MYT1L: variants seen among roughly 807,000 people sequenced by gnomAD.
The protein encoded by MYT1L is myelin transcription factor 1-like protein.
In MYT1L, 12 loss-of-function variants were observed where a neutral mutation model predicts 126.7. The ratio of observed to expected loss-of-function variants is 0.09; its 90% CI spans 0.06 to 0.15. The LOEUF is 0.15. Ranked by LOEUF, MYT1L falls within the 10% of genes least tolerant of loss-of-function variation. MYT1L has a pLI of 1.00. For missense variants in MYT1L, 979 were observed against 1,585.2 expected (o/e 0.62, Z 6.49); for synonymous variants, 541 against 604.2 (o/e 0.90, Z 1.53).
At chr2:2,044,032 T>A (rs1021668691) in intron 4 of MYT1L, among the ~76,000 whole-genome samples, 5 of 152,192 alleles carry the variant, frequency 3.3e-5, no homozygotes, top group Non-Finnish European at 5.9e-5. Flanking sequence ...TTTCTTTCAT[T>A]TTTAATTTAA....
At chr2:1,993,195 C>T (rs997092017) in intron 5 of MYT1L, among the ~76,000 whole-genome samples, 10 of 152,160 alleles carry the variant, frequency 6.6e-5, no homozygotes, top group Admixed American at 2.0e-4. Context: ...TTGCAATTCC[C>T]CCGTCTTGGT....
intron 19 of MYT1L, among the ~76,000 whole-genome samples, chr2:1,850,315 C>T (rs921384496): frequency 2.6e-5 from 4 of 151,366 alleles, no homozygotes; most frequent in Admixed American, 6.6e-5. Context: ...GCCTCATCTG[C>T]GTCTGGACTG....
intron 3 of MYT1L, among the ~76,000 whole-genome samples, chr2:2,087,575 T>C (rs1355786601): frequency 1.3e-5 from 2 of 152,206 alleles, no homozygotes; most frequent in Non-Finnish European, 1.5e-5. Context: ...TCGGCAAGGT[T>C]GGCTTTTCAA....
chr2:2,287,046 C>A (rs146524582), intron 1 of MYT1L, among the ~76,000 whole-genome samples: 7 of 152,100 alleles, frequency 4.6e-5, no homozygotes, highest in Non-Finnish European at 8.8e-5. Context: ...CACCTGAGGT[C>A]GGGAGTTCGA....
chr2:2,184,493 A>C (rs943005066), intron 2 of MYT1L, among the ~76,000 whole-genome samples: 1 of 152,186 alleles, frequency 6.6e-6, no homozygotes, highest in Non-Finnish European at 1.5e-5. Context: ...TGATGAGTTT[A>C]ATGTGTCAAA....
chr2:2,069,640 TCAC>T (rs2074344163), intron 3 of MYT1L, among the ~76,000 whole-genome samples: 2 of 152,072 alleles, frequency 1.3e-5, no homozygotes, highest in African/African-American at 4.8e-5. Context: ...CCTTGAGGAA[TCAC>T]CACACTGTCT....
At chr2:1,924,907 G>A (rs1034210550) in intron 9 of MYT1L, among the ~76,000 whole-genome samples, 2 of 152,166 alleles carry the variant, frequency 1.3e-5, no homozygotes, top group African/African-American at 4.8e-5. Context: ...TTTAGGACTT[G>A]AAGTCAATCC....
chr2:2,170,818 TCA>T (rs981627789), intron 3 of MYT1L, among the ~76,000 whole-genome samples: 4 of 152,178 alleles, frequency 2.6e-5, no homozygotes, highest in Admixed American at 1.3e-4. Flanking sequence ...TCTGCGCCCT[TCA>T]CAGTGTGTGG....
chr2:2,158,657 G>A (rs1378943017), intron 3 of MYT1L, among the ~76,000 whole-genome samples: 1 of 148,156 alleles, frequency 6.7e-6, no homozygotes, highest in Non-Finnish European at 1.5e-5. Context: ...ACGCGTAGGT[G>A]GACACGGGTG....
intron 1 of MYT1L, chr2:2,305,993 T>C (rs1359964608): frequency 1.3e-5 from 2 of 152,190 alleles, no homozygotes; most frequent in East Asian, 3.9e-4. Flanking sequence ...TGTTCATCTG[T>C]CCCACTTAAT....
intron 3 of MYT1L, among the ~76,000 whole-genome samples, chr2:2,085,790 TG>T (rs1296958522): frequency 6.6e-6 from 1 of 152,184 alleles, no homozygotes; most frequent in East Asian, 1.9e-4. Context: ...GGCTTCCACA[TG>T]GGGTGCTGGA....
chr2:2,007,456 T>C (rs2063442962), intron 4 of MYT1L, among the ~76,000 whole-genome samples: 1 of 152,234 alleles, frequency 6.6e-6, no homozygotes, highest in Admixed American at 6.5e-5. Flanking sequence ...TGTCTGTGCC[T>C]TTCTCCAAAG....
rs1022199606 is a variant in MYT1L at position 2,224,221 on chromosome 2, T to G, written c.-420-51233A>C. ...TTATAGGGAAGAATTCTGTGACGAG[T>G]TGGCCCCTCCTTGCCCATCTGAGAG... On this transcript the variant is annotated intron_variant, in intron 2 of 24. Transcript: ENST00000647738. The surrounding 1 kb of genome is among the most constrained non-coding windows in gnomAD (Gnocchi z 4.0). Among the ~76,000 whole-genome samples, 7 of 152,092 alleles carry G rather than the reference T, an allele frequency of 4.6e-5. No homozygotes were observed. Among genetic ancestry groups the G allele is most frequent in the African/African-American group, 1.7e-4 (7 of 41,418 alleles).
At chr2:2,014,310 G>A (rs2064146619) in intron 4 of MYT1L, among the ~76,000 whole-genome samples, 1 of 151,602 alleles carries the variant, frequency 6.6e-6, no homozygotes, top group Non-Finnish European at 1.5e-5. Context: ...CGCCTTTTGT[G>A]GGCGGTCTCC....
intron 3 of MYT1L, among the ~76,000 whole-genome samples, chr2:2,058,594 C>T (rs922236218): frequency 6.6e-6 from 1 of 152,164 alleles, no homozygotes; most frequent in African/African-American, 2.4e-5. Context: ...CTGGCACACA[C>T]TAATGATCAA....
At chr2:2,084,802 T>C (rs897812383) in intron 3 of MYT1L, among the ~76,000 whole-genome samples, 1 of 152,220 alleles carries the variant, frequency 6.6e-6, no homozygotes, top group Non-Finnish European at 1.5e-5. Flanking sequence ...ACATAGATGA[T>C]GAATACAAGG....
chr2:1,953,597 T>G (rs1295998114), intron 8 of MYT1L, among the ~76,000 whole-genome samples: 2 of 152,260 alleles, frequency 1.3e-5, no homozygotes, highest in African/African-American at 4.8e-5. Flanking sequence ...TGTGCTTATC[T>G]TATTGTCTCA....
chr2:2,179,781 C>T (rs562630071), intron 2 of MYT1L, among the ~76,000 whole-genome samples: 27 of 152,282 alleles, frequency 1.8e-4, no homozygotes, highest in African/African-American at 6.0e-4. Context: ...CTTATGTGAC[C>T]TTTAGTTTAA....
chr2:2,166,164 C>G (rs1374895406), intron 3 of MYT1L, among the ~76,000 whole-genome samples: 2 of 152,174 alleles, frequency 1.3e-5, no homozygotes, highest in Non-Finnish European at 2.9e-5. Flanking sequence ...TCTTAATTAT[C>G]TAGCCTGCCT....
Sources: allele counts gnomAD v4.1 joint callset (sites outside exome capture counted in the v4.1 genomes callset), GRCh38; gene constraint gnomAD v4.1.1; non-coding constraint Gnocchi (gnomAD v3.1); transcripts MANE v1.5; gene names NCBI Gene and HGNC (gene_info 2026-07-23, HGNC 2026-07-21).